TRIM29: variants seen among roughly 807,000 people sequenced by gnomAD.
TRIM29 encodes the protein tripartite motif containing 29.
Under a neutral mutation model 57.3 loss-of-function variants are expected in TRIM29, and 52 were observed. That is an observed-to-expected ratio of 0.91 (90% CI 0.73 to 1.14). TRIM29 has a LOEUF of 1.14. TRIM29 is among the 50% of genes most tolerant of loss of function. The pLI is 0.00. For synonymous variants in TRIM29, 319 were observed against 316.9 expected (o/e 1.01, Z -0.07); for missense variants, 753 against 774.6 (o/e 0.97, Z 0.33).
intron 8 of TRIM29, among the ~76,000 whole-genome samples, chr11:120,114,155 C>T (rs543584): frequency 0.63 from 95,111 of 152,050 alleles, 31,044 homozygotes; most frequent in African/African-American, 0.83. Context: ...TGCTGGGTGC[C>T]TGCTGGACAC....
At chr11:120,113,493 C>A in intron 8 of TRIM29, 1 of 376,222 alleles carries the variant, frequency 2.7e-6, no homozygotes, top group Non-Finnish European at 5.4e-6. Flanking sequence ...CCATGCCCTG[C>A]AGATCCCAAT....
intron 6 of TRIM29, 93 bp from the exon 7 acceptor site, chr11:120,118,414 C>T (rs1863340560): frequency 6.3e-6 from 6 of 956,486 alleles, no homozygotes; most frequent in East Asian, 2.7e-5. Flanking sequence ...ACTCTCTAGC[C>T]GCTGGCCACA....
chr11:120,126,023 T>C (rs770149797), intron 3 of TRIM29, 134 bp from the exon 4 acceptor site: 12 of 871,382 alleles, frequency 1.4e-5, no homozygotes, highest in Admixed American at 2.8e-5. Context: ...TGGATGTTTG[T>C]TTCTTCTGTA....
In TRIM29 at chr11:120,112,307, G is replaced by C. The variant is rs1863152964; in HGVS notation, c.*107C>G. The C allele has an allele frequency of 3.6e-6, 5 of 1,403,518 alleles. No individual in the cohort carries two copies. The highest frequency in any genetic ancestry group is 5.0e-6 in the Non-Finnish European group (5 of 1,007,968). 86.9% of individuals were successfully genotyped at this position (1,403,518 alleles called of 1,614,324 possible). On this transcript the variant is annotated 3_prime_UTR_variant, in exon 9 of 9. Transcript: ENST00000341846. ...CAGAGGGCTGCAGAGGGCAGGTGCA[G>C]GACCAGGCTCCCTCCCACCCAGACA...
At chr11:120,133,275 CA>C (rs1413889107) in intron 1 of TRIM29, among the ~76,000 whole-genome samples, 1 of 152,214 alleles carries the variant, frequency 6.6e-6, no homozygotes, top group Non-Finnish European at 1.5e-5. Flanking sequence ...TCCAATCCTA[CA>C]GGAACAAAAA....
intron 6 of TRIM29, 32 bp from the exon 7 acceptor site, chr11:120,118,353 C>T (rs781673192): frequency 1.3e-5 from 21 of 1,561,710 alleles, no homozygotes; most frequent in Middle Eastern, 3.4e-4. Flanking sequence ...GTCAGGCCCC[C>T]ACAGCTGGGA....
chr11:120,120,996 C>T, intron 5 of TRIM29: 1 of 397,752 alleles, frequency 2.5e-6, no homozygotes, highest in Non-Finnish European at 4.8e-6. Flanking sequence ...CTCCCAGGGG[C>T]CCACCCAGGC....
At chr11:120,114,897 C>A (rs1379812184) in intron 8 of TRIM29, among the ~76,000 whole-genome samples, 1 of 152,130 alleles carries the variant, frequency 6.6e-6, no homozygotes, top group Non-Finnish European at 1.5e-5. Context: ...CTCCCACCCC[C>A]ACATTATCAC....
chr11:120,128,927 T>A, intron 1 of TRIM29: 3 of 1,387,668 alleles, frequency 2.2e-6, no homozygotes, highest in Non-Finnish European at 2.8e-6. Context: ...GCAGTAACAG[T>A]GTGCAGCGTT....
intron 8 of TRIM29, among the ~76,000 whole-genome samples, chr11:120,114,459 G>T (rs972621114): frequency 6.6e-6 from 1 of 152,146 alleles, no homozygotes; most frequent in Middle Eastern, 3.2e-3. Context: ...CACCTCTCCT[G>T]CTCTGACCTC....
intron 1 of TRIM29, among the ~76,000 whole-genome samples, chr11:120,136,834 G>A (rs1251096550): frequency 6.6e-6 from 1 of 151,974 alleles, no homozygotes; most frequent in Admixed American, 6.6e-5. Context: ...GGAAGAAGAG[G>A]AAGAGGGAGA....
At chr11:120,126,911 A>G (rs939087592) in intron 3 of TRIM29, among the ~76,000 whole-genome samples, 2 of 152,224 alleles carry the variant, frequency 1.3e-5, no homozygotes, top group Non-Finnish European at 1.5e-5. Flanking sequence ...GGCATGCAGT[A>G]GTATCTAAAA....
chr11:120,122,135 T>TGA, intron 5 of TRIM29: 1 of 232,754 alleles, frequency 4.3e-6, no homozygotes, highest in South Asian at 4.1e-5. Context: ...TGTGTGAGTG[T>TGA]GTGTGTGTGT....
At chr11:120,113,433 T>A in intron 8 of TRIM29, 1 of 304,192 alleles carries the variant, frequency 3.3e-6, no homozygotes, top group South Asian at 3.0e-5. Flanking sequence ...CCCCCGGGGG[T>A]CTCAGGAAGA....
chr11:120,113,787 T>G, intron 8 of TRIM29: 1 of 425,492 alleles, frequency 2.4e-6, no homozygotes, highest in African/African-American at 2.1e-5. Context: ...TAGGGCAAAG[T>G]GAACAGATTT....
At chr11:120,135,836 G>C (rs1032012774) in intron 1 of TRIM29, among the ~76,000 whole-genome samples, 1 of 152,170 alleles carries the variant, frequency 6.6e-6, no homozygotes, top group African/African-American at 2.4e-5. Context: ...TCTGAGGTGT[G>C]CAGAAGCTCT....
intron 1 of TRIM29, among the ~76,000 whole-genome samples, chr11:120,131,795 T>C (rs1863728489): frequency 6.6e-6 from 1 of 150,832 alleles, no homozygotes; most frequent in Non-Finnish European, 1.5e-5. Context: ...GGAAGTAATA[T>C]AACATGGGAA....
chr11:120,120,860 AG>A (rs778259048), intron 5 of TRIM29, 195 bp from the exon 6 acceptor site: 73 of 681,090 alleles, frequency 1.1e-4, no homozygotes, highest in Non-Finnish European at 1.9e-4. Flanking sequence ...GGACTCTGTT[AG>A]TAACCGTGCA....
At chr11:120,116,980 C>G (rs1307301974) in intron 7 of TRIM29, 2 of 436,404 alleles carry the variant, frequency 4.6e-6, no homozygotes, top group Non-Finnish European at 9.1e-6. Context: ...TTAGACAGCC[C>G]ACTGCGACCC....
Sources: gnomAD v4.1 joint callset for allele counts (sites outside exome capture counted in the v4.1 genomes callset) on GRCh38, gnomAD v4.1.1 for gene constraint, MANE v1.5 for transcripts, NCBI Gene and HGNC (gene_info 2026-07-23, HGNC 2026-07-21) for gene names.